The following MRPS25 variants were observed in gnomAD, a reference collection of about 807,000 sequenced individuals.
MRPS25 encodes the protein mitochondrial ribosomal protein S25, also known as small ribosomal subunit protein mS25.
In MRPS25, 15 loss-of-function variants were observed where a neutral mutation model predicts 17.3. The ratio of observed to expected loss-of-function variants is 0.87; its 90% CI spans 0.58 to 1.34. The LOEUF is 1.34. Among genes scored for constraint, MRPS25 ranks in the 40% most tolerant of loss-of-function variants. The pLI is 0.00. For synonymous variants in MRPS25, 94 were observed against 83.3 expected (o/e 1.13, Z -0.70); for missense variants, 225 against 218.6 (o/e 1.03, Z -0.19).
At chr3:15,045,134 CTT>C (rs2042405076), downstream of MRPS25, 2 of 152,284 alleles carry the variant, frequency 1.3e-5, no homozygotes, top group South Asian at 4.1e-4. Context: ...CTTGTGAAGG[CTT>C]TTAGTAGCAG....
At position 15,048,648 on chromosome 3, in the gene MRPS25, A is replaced by G. The variant is rs1391830477; in HGVS notation, c.*3793T>C. On this transcript the variant is annotated 3_prime_UTR_variant, in exon 4 of 4. Coordinates refer to ENST00000253686, the MANE Select transcript of MRPS25 (RefSeq NM_022497.5). ...AGTATAATCAATTATTTTAATGACC[A>G]TAGCATTCATGGACTCAAATGCTGC... is the stretch of plus-strand genomic sequence containing the variant. 5 of 152,704 alleles carry G rather than the reference A, an allele frequency of 3.3e-5. No homozygotes were observed. The highest frequency in any genetic ancestry group is 1.2e-4 in the African/African-American group (5 of 41,470). 9.5% of individuals were successfully genotyped at this position (152,704 alleles called of 1,614,324 possible). A position where few individuals can be genotyped will look rare whatever the true frequency, so the allele number is the denominator to read the frequency against.
chr3:15,049,863 T>G lies in MRPS25; in HGVS notation c.*2578A>C. The G allele has an allele frequency of 7.0e-7, 1 of 1,436,948 alleles. No individual in the cohort carries two copies. The highest frequency in any genetic ancestry group is 9.4e-7 in the Non-Finnish European group (1 of 1,058,672). 89.0% of individuals were successfully genotyped at this position (1,436,948 alleles called of 1,614,324 possible). ...TCAACCTCCTGGGCTCAAGTGATCCTCCTGCCTCAGCCTCCTGAGTAACTG... is the reference window on the plus strand; with the variant it reads ...TCAACCTCCTGGGCTCAAGTGATCCGCCTGCCTCAGCCTCCTGAGTAACTG... On this transcript the variant is annotated 3_prime_UTR_variant, in exon 4 of 4. Transcript: ENST00000253686.
At position 15,065,049 on chromosome 3, in the gene MRPS25, G is replaced by A. The variant is rs776277550; in HGVS notation, c.134+12C>T. The A allele has an allele frequency of 8.9e-6, 14 of 1,567,832 alleles. No homozygotes were observed. Among genetic ancestry groups the A allele is most frequent in the South Asian group, 1.2e-5 (1 of 85,924 alleles). ...GGTTACGGCTCGCCAGGCGGCCGGG[G>A]CTGCGACTGACCTGGCGCCCTCGCC... On this transcript the variant is annotated intron_variant, in intron 1 of 3. Transcript: ENST00000253686.
In MRPS25 at chr3:15,052,464, G is replaced by C; in HGVS notation, c.499C>G (p.Leu167Val). The change falls in exon 4 of 4, where the codon CTG becomes GTG. Residue 167 changes from leucine to valine, a missense_variant. Transcript: ENST00000253686. ...KEMRGKYKAA[L>V]KADAQD Reference sequence around the variant, plus strand: ...CCTTAGTCCTGGGCATCGGCTTTCAGAGCGGCTTTGTACTTCCCCCTCATC... The same window carrying C: ...CCTTAGTCCTGGGCATCGGCTTTCACAGCGGCTTTGTACTTCCCCCTCATC... 1 of 1,614,038 alleles carries C rather than the reference G, an allele frequency of 6.2e-7. No homozygotes were observed.
Position 15,050,768 on chromosome 3 carries a change from C to G in MRPS25, c.*1673G>C, listed in dbSNP as rs1460019366. 2 of 985,266 alleles carry G rather than the reference C, an allele frequency of 2.0e-6. No individual in the cohort carries two copies. The highest frequency in any genetic ancestry group is 2.3e-4 in the East Asian group (2 of 8,828). The allele number at this position is 985,266 out of a possible 1,614,324, so 61.0% of individuals were successfully genotyped here. ...TTATACATCAGTCTCTGCCCACCTT[C>G]CCCTCCCACCCCCGACAAGCCATCA... On this transcript the variant is annotated 3_prime_UTR_variant, in exon 4 of 4. Coordinates refer to ENST00000253686, the MANE Select transcript of MRPS25 (RefSeq NM_022497.5).
chr3:15,065,086 G>A lies in MRPS25; in HGVS notation c.109C>T (p.His37Tyr). 6.2e-7 allele frequency: 1 copy of A among 1,604,390 alleles called. No homozygotes were observed. The highest frequency in any genetic ancestry group is 8.5e-7 in the Non-Finnish European group (1 of 1,176,194). The part of the protein sequence containing the change: ...VKVMTVNYNT[H>Y]GELGEGARKF... ...CTGGCGCCCTCGCCCAGCTCCCCAT[G>A]CGTGTTGTAATTCACTGTCATGACC... Residue 37 changes from histidine (H) to tyrosine (Y), a missense_variant, in exon 1 of 4, where the codon CAT becomes TAT. Coordinates refer to ENST00000253686, the MANE Select transcript of MRPS25 (RefSeq NM_022497.5).
rs944534184 is a variant in MRPS25, at chr3:15,049,018, TCTC to T, written c.*3420_*3422del. 3 of 152,662 alleles carry T rather than the reference TCTC, an allele frequency of 2.0e-5. No individual in the cohort carries two copies. The highest frequency in any genetic ancestry group is 2.0e-4 in the Admixed American group (3 of 15,290). 9.5% of individuals were successfully genotyped at this position (152,662 alleles called of 1,614,324 possible). On this transcript the variant is annotated 3_prime_UTR_variant, in exon 4 of 4. Transcript: ENST00000253686. ...AAGCTGCAGCTTTATACAGCTTTCT[TCTC>T]CCTGTGAAATCACTTTGTTTATGTG...
In MRPS25 at chr3:15,059,429, A is replaced by G; in HGVS notation, c.181T>C (p.Trp61Arg). 1 of 1,613,888 alleles carries G rather than the reference A, an allele frequency of 6.2e-7. No homozygotes were observed. The highest frequency in any genetic ancestry group is 2.2e-5 in the East Asian group (1 of 44,886). ...TTCTTAAACATCATGATCTGCACCC[A>G]AGGGTTTTTGTATTGAATCTGAGGT... ...NIPQIQYKNP[W>R]VQIMMFKNMT... Residue 61 changes from tryptophan to arginine, a missense_variant, in exon 2 of 4, where the codon TGG becomes CGG. Transcript: ENST00000253686.
Position 15,049,908 on chromosome 3 carries a change from A to C in MRPS25, c.*2533T>G. On this transcript the variant is annotated 3_prime_UTR_variant, in exon 4 of 4. Coordinates refer to ENST00000253686, the MANE Select transcript of MRPS25 (RefSeq NM_022497.5). ...TAACTGGGACCACAGCAGATGATAC[A>C]GGTTTAGATGGTGCTGCCAGGTAGT... 1 of 1,531,914 alleles carries C rather than the reference A, an allele frequency of 6.5e-7. No individual in the cohort carries two copies. The highest frequency in any genetic ancestry group is 8.7e-7 in the Non-Finnish European group (1 of 1,144,878). The allele number at this position is 1,531,914 out of a possible 1,614,324, so 94.9% of individuals were successfully genotyped here.
Position 15,049,899 on chromosome 3 carries a change from A to AGAT in MRPS25, c.*2539_*2541dup. The AGAT allele has an allele frequency of 6.5e-7, 1 of 1,530,400 alleles. No homozygotes were observed. Among genetic ancestry groups the AGAT allele is most frequent in the African/African-American group, 1.4e-5 (1 of 72,928 alleles). The allele number at this position is 1,530,400 out of a possible 1,614,324, so 94.8% of individuals were successfully genotyped here. A position where few individuals can be genotyped will look rare whatever the true frequency, so the allele number is the denominator to read the frequency against. ...CCTCCTGAGTAACTGGGACCACAGC[A>AGAT]GATGATACAGGTTTAGATGGTGCTG... On this transcript the variant is annotated 3_prime_UTR_variant, in exon 4 of 4. Coordinates refer to ENST00000253686, the MANE Select transcript of MRPS25 (RefSeq NM_022497.5).
At position 15,052,572 on chromosome 3, in the gene MRPS25, G is replaced by A. The variant is rs765552467; in HGVS notation, c.391C>T (p.Pro131Ser). The A allele has an allele frequency of 1.9e-6, 3 of 1,614,158 alleles. No individual in the cohort carries two copies. Among genetic ancestry groups the A allele is most frequent in the East Asian group, 4.5e-5 (2 of 44,864 alleles). ...CACTCCCGCAGGCAGTACTTTCGAG[G>A]GCCGAAGTTGGCTGGGTGAGAAAGC... is the stretch of plus-strand genomic sequence containing the variant. ...KQLSHPANFG[P>S]RKYCLRECIC... is the part of the protein sequence containing the mutation. Residue 131 changes from proline to serine, a missense_variant, in exon 4 of 4, where the codon CCT becomes TCT. Pro to Ser is a moderately conservative substitution (Grantham distance 74, BLOSUM62 -1). Transcript: ENST00000253686.
chr3:15,062,650 T>G (rs946088334), intron 1 of MRPS25, among the ~76,000 whole-genome samples: 1 of 152,124 alleles, frequency 6.6e-6, no homozygotes, highest in Non-Finnish European at 1.5e-5. Context: ...GGGAAAAGAT[T>G]GAGAAATCGG....
chr3:15,043,076 G>A, downstream of MRPS25: 2 of 1,460,382 alleles, frequency 1.4e-6, no homozygotes, highest in East Asian at 4.7e-5. Context: ...AAGAAAAGTA[G>A]TGGTATTTTG....
Position 15,049,100 on chromosome 3 carries a change from A to G in MRPS25, c.*3341T>C, listed in dbSNP as rs535786898. 2.6e-5 allele frequency: 4 copies of G among 152,766 alleles called. No homozygotes were observed. The highest frequency in any genetic ancestry group is 2.1e-4 in the South Asian group (1 of 4,832). 9.5% of individuals were successfully genotyped at this position (152,766 alleles called of 1,614,324 possible). On this transcript the variant is annotated 3_prime_UTR_variant, in exon 4 of 4. Transcript: ENST00000253686. The stretch of plus-strand genomic sequence containing the variant: ...TTAAACTGAATTTTATATCTAATCA[A>G]TGTCTTCAGTCTTGAAGAAGAATTT...
At chr3:15,045,176 A>T (rs2042406501), downstream of MRPS25, 1 of 152,294 alleles carries the variant, frequency 6.6e-6, no homozygotes, top group South Asian at 2.1e-4. Flanking sequence ...TGCCTCTAAC[A>T]CAGATTGTTG....
chr3:15,055,988 C>T (rs1341530467), intron 2 of MRPS25, among the ~76,000 whole-genome samples: 6 of 150,944 alleles, frequency 4.0e-5, no homozygotes, highest in South Asian at 2.1e-4. Context: ...CCGAGGCGGG[C>T]GGATCACGAG....
downstream of MRPS25, chr3:15,046,698 T>G (rs2125119611): frequency 1.3e-5 from 2 of 152,672 alleles, 1 homozygote; most frequent in Admixed American, 1.3e-4. Context: ...ACATTTTAAC[T>G]CTTTTCTTAG....
In MRPS25 at chr3:15,059,450, G is replaced by A. The variant is rs2042718909; in HGVS notation, c.160C>T (p.Gln54Ter). 1 of 1,613,070 alleles carries A rather than the reference G, an allele frequency of 6.2e-7. No homozygotes were observed. Among genetic ancestry groups the A allele is most frequent in the Non-Finnish European group, 8.5e-7 (1 of 1,179,342 alleles). Residue 54 changes from glutamine (Q) to a stop codon, truncating the protein, a stop_gained, in exon 2 of 4, where the codon CAG becomes TAG. Transcript: ENST00000253686. LOFTEE classifies it high-confidence loss of function. ...ACCCAAGGGTTTTTGTATTGAATCT[G>A]AGGTATGTTGAAAAACACAAACTTC... is the stretch of plus-strand genomic sequence containing the variant. Reference protein sequence around the residue: ...ARKFVFFNIPQIQYKNPWVQI... With the variant: ...ARKFVFFNIP
At chr3:15,054,072 T>C (rs376412144) in intron 2 of MRPS25, among the ~76,000 whole-genome samples, 5 of 151,924 alleles carry the variant, frequency 3.3e-5, no homozygotes, top group East Asian at 1.9e-4. Context: ...CTGGCCAACA[T>C]AGTGAAACCC....
Sources: gnomAD v4.1 joint callset for allele counts (sites outside exome capture counted in the v4.1 genomes callset) on GRCh38, gnomAD v4.1.1 for gene constraint, MANE v1.5 for transcripts, NCBI Gene and HGNC (gene_info 2026-07-23, HGNC 2026-07-21) for gene names.